The following TCERG1L variants were observed in gnomAD, a reference collection of about 807,000 sequenced individuals.
TCERG1L encodes transcription elongation regulator 1 like.
Under a neutral mutation model 56.3 loss-of-function variants are expected in TCERG1L, and 37 were observed. The observed-to-expected ratio is 0.66, with a 90% CI of 0.51 to 0.87. The LOEUF (loss-of-function observed/expected upper bound fraction) is 0.87, where lower values mean the gene tolerates loss of function less well. Ranked by LOEUF, TCERG1L falls within the 40% of genes least tolerant of loss-of-function variation. The pLI is 0.00. For synonymous variants in TCERG1L, 324 were observed against 326.3 expected, an observed-to-expected ratio of 0.99 and a Z score of 0.08; for missense variants, 799 against 774.2, an observed-to-expected ratio of 1.03 and a Z score of -0.38.
chr10:131,294,084 C>T (rs1846663663), intron 3 of TCERG1L, among the ~76,000 whole-genome samples: 1 of 151,908 alleles, frequency 6.6e-6, no homozygotes, highest in South Asian at 2.1e-4. Flanking sequence ...AATCTTTCAA[C>T]AATAGTAAAT....
intron 1 of TCERG1L, among the ~76,000 whole-genome samples, chr10:131,309,582 G>C (rs1424969273): frequency 1.3e-5 from 2 of 151,852 alleles, no homozygotes; most frequent in African/African-American, 4.8e-5. Context: ...GTAAGAAATG[G>C]GTTTCTGCTC....
At chr10:131,248,830 TCA>T (rs1846071067) in intron 4 of TCERG1L, among the ~76,000 whole-genome samples, 1 of 152,138 alleles carries the variant, frequency 6.6e-6, no homozygotes, top group African/African-American at 2.4e-5. Context: ...TCTGCTCCCA[TCA>T]CAGCCCCCCC....
At position 131,224,142 on chromosome 10, in the gene TCERG1L, C is replaced by T. The variant is rs566651490; in HGVS notation, c.856+36117G>A. 3.3e-5 allele frequency among the ~76,000 whole-genome samples: 5 copies of T among 152,244 alleles called. No individual in the cohort carries two copies. In the South Asian group the frequency reaches 1.0e-3, roughly 32 times the overall value. On this transcript the variant is annotated intron_variant, in intron 4 of 11. Transcript: ENST00000368642. ...CTGACCCATCCTCTCCCTCTCTTTCCAGTTATCCCCCTTCTTCCCAGCTGA... is the reference window on the plus strand; with the variant it reads ...CTGACCCATCCTCTCCCTCTCTTTCTAGTTATCCCCCTTCTTCCCAGCTGA...
chr10:131,233,176 C>T (rs760159975), intron 4 of TCERG1L, among the ~76,000 whole-genome samples: 4 of 152,120 alleles, frequency 2.6e-5, no homozygotes, highest in Non-Finnish European at 5.9e-5. Flanking sequence ...TCTTACCACA[C>T]CTGTTTTAGT....
intron 5 of TCERG1L, among the ~76,000 whole-genome samples, chr10:131,165,925 A>G (rs1251716950): frequency 1.3e-5 from 2 of 152,252 alleles, no homozygotes; most frequent in African/African-American, 4.8e-5. Context: ...GAAAGGAGTT[A>G]TTTAAGGCAC....
Position 131,203,314 on chromosome 10 carries a change from C to CAAAAAAAAAA in TCERG1L, c.857-36439_857-36430dup, listed in dbSNP as rs58016777. ...TGGGTGACAGAGTGAGACTCCGTCT[C>CAAAAAAAAAA]AAAAAAAAAAAGACTTCCAGTATGT... On this transcript the variant is annotated intron_variant, in intron 4 of 11. Coordinates refer to ENST00000368642, the MANE Select transcript of TCERG1L (RefSeq NM_174937.4). Among the ~76,000 whole-genome samples the CAAAAAAAAAA allele has an allele frequency of 8.3e-4, 98 of 117,630 alleles. 3 individuals carry two copies. Among genetic ancestry groups the CAAAAAAAAAA allele is most frequent in the African/African-American group, 1.3e-3 (42 of 31,632 alleles). 77.2% of individuals were successfully genotyped at this position (117,630 alleles called of 152,430 possible).
At chr10:131,198,392 C>T (rs1041433350) in intron 4 of TCERG1L, among the ~76,000 whole-genome samples, 12 of 152,248 alleles carry the variant, frequency 7.9e-5, no homozygotes, top group Non-Finnish European at 1.5e-4. Flanking sequence ...CCAGGACTCA[C>T]GGGAAGTGTC....
At position 131,141,507 on chromosome 10, in the gene TCERG1L, T is replaced by C. The variant is rs935167727; in HGVS notation, c.1189+4999A>G. ...GCTCCCTGCCCAACATCTGCTCATCTTTGGCGTCCTGTGTCTAGCCCAGTG... is the reference window on the plus strand; with the variant it reads ...GCTCCCTGCCCAACATCTGCTCATCCTTGGCGTCCTGTGTCTAGCCCAGTG... On this transcript the variant is annotated intron_variant, in intron 7 of 11. Transcript: ENST00000368642. 3.3e-5 allele frequency among the ~76,000 whole-genome samples: 5 copies of C among 152,314 alleles called. No individual in the cohort carries two copies. In the South Asian group the frequency reaches 1.0e-3, roughly 32 times the overall value.
At chr10:131,297,069 C>A (rs1231524933) in intron 3 of TCERG1L, among the ~76,000 whole-genome samples, 5 of 152,048 alleles carry the variant, frequency 3.3e-5, no homozygotes, top group African/African-American at 1.2e-4. Flanking sequence ...GTATGTTTTT[C>A]TTTTCTTTTT....
intron 4 of TCERG1L, among the ~76,000 whole-genome samples, chr10:131,171,822 C>T (rs11017783): frequency 0.29 from 44,727 of 152,124 alleles, 7,015 homozygotes; most frequent in Middle Eastern, 0.37. Context: ...CCTCCTGCCT[C>T]GGCCTCCCAA....
At chr10:131,177,114 G>A (rs1178261706) in intron 4 of TCERG1L, among the ~76,000 whole-genome samples, 1 of 150,814 alleles carries the variant, frequency 6.6e-6, no homozygotes, top group South Asian at 2.1e-4. Flanking sequence ...ACACAGACAC[G>A]TGTACACACA....
At chr10:131,269,892 C>T (rs1846321971) in intron 3 of TCERG1L, among the ~76,000 whole-genome samples, 1 of 152,158 alleles carries the variant, frequency 6.6e-6, no homozygotes, top group Non-Finnish European at 1.5e-5. Flanking sequence ...GAGAAGTGTG[C>T]CTGTGCCTAC....
intron 4 of TCERG1L, among the ~76,000 whole-genome samples, chr10:131,172,684 C>T (rs1272145314): frequency 5.9e-5 from 9 of 152,206 alleles, no homozygotes; most frequent in Non-Finnish European, 1.2e-4. Context: ...CCTGTCCAGT[C>T]GCCTCCATTC....
chr10:131,217,198 C>T (rs936603399), intron 4 of TCERG1L, among the ~76,000 whole-genome samples: 2 of 152,048 alleles, frequency 1.3e-5, no homozygotes, highest in East Asian at 1.9e-4. Flanking sequence ...ATGCTATTCT[C>T]GTGACAGTGA....
At chr10:131,209,983 C>A (rs187037387) in intron 4 of TCERG1L, among the ~76,000 whole-genome samples, 1 of 152,130 alleles carries the variant, frequency 6.6e-6, no homozygotes, top group Non-Finnish European at 1.5e-5. Flanking sequence ...TTGATGCCGT[C>A]GTAATTTCGC....
At chr10:131,235,089 A>G (rs1018120563) in intron 4 of TCERG1L, among the ~76,000 whole-genome samples, 1 of 152,174 alleles carries the variant, frequency 6.6e-6, no homozygotes. Flanking sequence ...CGCAGGGCCC[A>G]GGGTACCACA....
At chr10:131,203,805 G>A (rs1449227715) in intron 4 of TCERG1L, among the ~76,000 whole-genome samples, 2 of 152,302 alleles carry the variant, frequency 1.3e-5, no homozygotes, top group African/African-American at 4.8e-5. Context: ...AGCCTCCCTA[G>A]CCACTTTCCA....
intron 4 of TCERG1L, among the ~76,000 whole-genome samples, chr10:131,251,980 T>C (rs949460818): frequency 6.6e-6 from 1 of 152,218 alleles, no homozygotes; most frequent in African/African-American, 2.4e-5. Flanking sequence ...TTCTACTATC[T>C]GTCCCTGTGA....
rs371148772 is a variant in TCERG1L at position 131,145,011 on chromosome 10, T to C, written c.1189+1495A>G. 1.1e-4 allele frequency among the ~76,000 whole-genome samples: 16 copies of C among 152,322 alleles called. No homozygotes were observed. The South Asian group carries it at 2.9e-3, about 28-fold the overall frequency. Reference sequence around the variant, plus strand: ...ATAGAAATGAGAGAGCAACTATGCATTGCCTTTAATAAGTTCATTTGTTTC... The same window carrying C: ...ATAGAAATGAGAGAGCAACTATGCACTGCCTTTAATAAGTTCATTTGTTTC... On this transcript the variant is annotated intron_variant, in intron 7 of 11. Transcript: ENST00000368642.
Sources: gnomAD v4.1 joint callset for allele counts (sites outside exome capture counted in the v4.1 genomes callset) on GRCh38, gnomAD v4.1.1 for gene constraint, MANE v1.5 for transcripts, NCBI Gene and HGNC (gene_info 2026-07-23, HGNC 2026-07-21) for gene names.